IL1RL1: variants seen among roughly 807,000 people sequenced by gnomAD.
The protein encoded by IL1RL1 is interleukin 1 receptor like 1.
IL1RL1 carries 32 observed loss-of-function variants against 50.9 expected under a neutral mutation model. That is an observed-to-expected ratio of 0.63 (90% CI 0.47 to 0.84). The LOEUF is 0.84. Among genes scored for constraint, IL1RL1 ranks in the 40% least tolerant of loss-of-function variants. IL1RL1 has a pLI of 0.00. For synonymous variants in IL1RL1, 275 were observed against 236.0 expected (o/e 1.17, Z -1.51); for missense variants, 773 against 662.9 (o/e 1.17, Z -1.82).
In IL1RL1 at chr2:102,351,775, A is replaced by C. The variant is rs761199455; in HGVS notation, c.1525A>C (p.Thr509Pro). 1.2e-6 allele frequency: 2 copies of C among 1,614,092 alleles called. No individual in the cohort carries two copies. The highest frequency in any genetic ancestry group is 1.1e-5 in the South Asian group (1 of 91,082). Residue 509 changes from threonine to proline, a missense_variant, in exon 11 of 11, where the codon ACC becomes CCC. Coordinates refer to ENST00000233954, the MANE Select transcript of IL1RL1 (RefSeq NM_016232.5). ...CCAGCATCTTATGAAAGTACAGGGG[A>C]CCATCAAGTGGAGGGAGGACCACAT... ...SLQHLMKVQG[T>P]IKWREDHIAN...
intron 1 of IL1RL1, among the ~76,000 whole-genome samples, chr2:102,317,817 A>T (rs1200454021): frequency 6.6e-6 from 1 of 152,116 alleles, no homozygotes; most frequent in Admixed American, 6.5e-5. Flanking sequence ...TTAGTTGGTC[A>T]AAGGGTGGGA....
At chr2:102,321,022 G>A (rs4142132) in intron 1 of IL1RL1, among the ~76,000 whole-genome samples, 72,759 of 152,034 alleles carry the variant, frequency 0.48, 17,694 homozygotes, top group Middle Eastern at 0.64. Context: ...CACTGCTCTG[G>A]AGTTCCTCAT....
At chr2:102,343,546 C>A (rs1247826419) in intron 8 of IL1RL1, 131 bp downstream of exon 8, 15 of 1,570,376 alleles carry the variant, frequency 9.6e-6, no homozygotes, top group Non-Finnish European at 1.2e-5. Flanking sequence ...TTCTCTTCTT[C>A]GGGATGTTGT....
At chr2:102,339,083 G>A (rs780421174) in intron 3 of IL1RL1, 36 bp downstream of exon 3, 1 of 1,481,956 alleles carries the variant, frequency 6.7e-7, no homozygotes, top group Non-Finnish European at 9.4e-7. Flanking sequence ...CTTTCACCCT[G>A]CTCCCCTTTC....
chr2:102,348,000 A>G lies in IL1RL1; in HGVS notation c.1026A>G (p.Leu342=). The G allele has an allele frequency of 5.1e-6, 8 of 1,581,776 alleles. No homozygotes were observed. The highest frequency in any genetic ancestry group is 7.0e-6 in the Non-Finnish European group (8 of 1,150,568). The part of the protein sequence containing the change: ...IIAVCSVFLM[L]INVLVIILKM... Reference sequence around the variant, plus strand: ...CAGTATGTAGTGTATTTTTAATGCTAATCAATGTCCTGGTTATCATCCTAA... The same window carrying G: ...CAGTATGTAGTGTATTTTTAATGCTGATCAATGTCCTGGTTATCATCCTAA... The change falls in exon 9 of 11, where the codon CTA becomes CTG. Residue 342 remains leucine (L), a synonymous_variant. Coordinates refer to ENST00000233954, the MANE Select transcript of IL1RL1 (RefSeq NM_016232.5).
chr2:102,345,788 C>A (rs1402079789), intron 8 of IL1RL1: 1 of 985,400 alleles, frequency 1.0e-6, no homozygotes. Flanking sequence ...AAGTGTGGCA[C>A]CCCAGGAAGG....
chr2:102,317,011 T>G (rs574591435), intron 1 of IL1RL1, among the ~76,000 whole-genome samples: 1 of 152,326 alleles, frequency 6.6e-6, no homozygotes, highest in East Asian at 1.9e-4. Context: ...TCATGTATAC[T>G]CAGCTGCTTA....
At chr2:102,313,991 G>C (rs1278289789) in intron 1 of IL1RL1, among the ~76,000 whole-genome samples, 1 of 152,226 alleles carries the variant, frequency 6.6e-6, no homozygotes, top group Non-Finnish European at 1.5e-5. Flanking sequence ...AGGGCGTCTG[G>C]ATTCTGAATA....
chr2:102,342,951 G>T, intron 6 of IL1RL1, 85 bp from the exon 7 acceptor site: 1 of 1,383,734 alleles, frequency 7.2e-7, no homozygotes, highest in Non-Finnish European at 1.0e-6. Flanking sequence ...TAAGTGTTCA[G>T]TAAGGTTTTT....
At chr2:102,347,027 G>A (rs1269539415) in intron 8 of IL1RL1, among the ~76,000 whole-genome samples, 1 of 152,178 alleles carries the variant, frequency 6.6e-6, no homozygotes, top group Non-Finnish European at 1.5e-5. Context: ...AGAGAAGTAT[G>A]GGCTATGAGT....
chr2:102,325,484 G>A (rs1676971148), intron 1 of IL1RL1, among the ~76,000 whole-genome samples: 1 of 152,182 alleles, frequency 6.6e-6, no homozygotes, highest in Non-Finnish European at 1.5e-5. Context: ...CACCAGCAAT[G>A]GAACAAAGCT....
At chr2:102,336,090 G>T (rs1677316697) in intron 1 of IL1RL1, among the ~76,000 whole-genome samples, 1 of 152,180 alleles carries the variant, frequency 6.6e-6, no homozygotes, top group East Asian at 1.9e-4. Context: ...CAGCCCCCAT[G>T]GGGAGCAAAG....
intron 1 of IL1RL1, among the ~76,000 whole-genome samples, chr2:102,316,855 G>A (rs1170197112): frequency 7.9e-5 from 12 of 152,074 alleles, no homozygotes; most frequent in Admixed American, 7.9e-4. Context: ...AATTGGCAAG[G>A]CTGGCTCTGA....
chr2:102,339,038 T>C lies in IL1RL1; in HGVS notation c.263T>C (p.Ile88Thr). The C allele has an allele frequency of 6.2e-7, 1 of 1,610,360 alleles. No individual in the cohort carries two copies. The highest frequency in any genetic ancestry group is 8.5e-7 in the Non-Finnish European group (1 of 1,177,038). ...AVADSGIYTC[I>T]VRSPTFNRTG... is the part of the protein sequence containing the mutation. Reference sequence around the variant, plus strand: ...GCTGATTCTGGTATTTATACCTGTATTGTCAGAAGGTATTATGCAGAAGGC... The same window carrying C: ...GCTGATTCTGGTATTTATACCTGTACTGTCAGAAGGTATTATGCAGAAGGC... The change falls in exon 3 of 11, where the codon ATT (isoleucine) becomes ACT (threonine). Residue 88 changes from isoleucine to threonine, a missense_variant. Transcript: ENST00000233954.
chr2:102,311,933 T>C (rs1239207911), intron 1 of IL1RL1, among the ~76,000 whole-genome samples: 11 of 27,914 alleles, frequency 3.9e-4, no homozygotes, highest in Admixed American at 5.0e-4. Flanking sequence ...TAATATATAT[T>C]ATATATAATA....
Position 102,345,972 on chromosome 2 carries a change from G to A in IL1RL1, c.971-1973G>A, listed in dbSNP as rs2287038. The A allele has an allele frequency of 2.1e-4, 204 of 985,294 alleles. 3 individuals carry two copies. The East Asian group carries it at 0.018, about 86-fold the overall frequency. The allele number at this position is 985,294 out of a possible 1,614,324, so 61.0% of individuals were successfully genotyped here. A position where few individuals can be genotyped will look rare whatever the true frequency, so the allele number is the denominator to read the frequency against. ...TTACCTATGTGTTTGAATTATCTTC[G>A]TGTTACAGGTGTTTAATGATTTTGC... On this transcript the variant is annotated intron_variant, in intron 8 of 10. Coordinates refer to ENST00000233954, the MANE Select transcript of IL1RL1 (RefSeq NM_016232.5).
chr2:102,351,860 T>C lies in IL1RL1; in HGVS notation c.1610T>C (p.Val537Ala). The change falls in exon 11 of 11, where the codon GTG becomes GCG. Residue 537 changes from valine to alanine, a missense_variant. Val to Ala is a moderately conservative substitution (Grantham distance 64, BLOSUM62 0). Transcript: ENST00000233954. ...AAGCACGTGAGGTACCAAATGCCTG[T>C]GCCAAGCAAAATTCCCAGAAAGGCC... ...FWKHVRYQMP[V>A]PSKIPRKASS... The C allele has an allele frequency of 6.2e-7, 1 of 1,613,920 alleles. No homozygotes were observed. Among genetic ancestry groups the C allele is most frequent in the East Asian group, 2.2e-5 (1 of 44,868 alleles).
intron 1 of IL1RL1, among the ~76,000 whole-genome samples, chr2:102,331,107 T>A (rs1677167022): frequency 6.6e-6 from 1 of 152,232 alleles, no homozygotes; most frequent in South Asian, 2.1e-4. Flanking sequence ...TGTCTGTCTT[T>A]ATGCCCATAC....
At position 102,343,076 on chromosome 2, in the gene IL1RL1, A is replaced by C; in HGVS notation, c.723A>C (p.Lys241Asn). 6.2e-7 allele frequency: 1 copy of C among 1,614,080 alleles called. No individual in the cohort carries two copies. Among genetic ancestry groups the C allele is most frequent in the African/African-American group, 1.3e-5 (1 of 75,032 alleles). The part of the protein sequence containing the change: ...ANLTCSACFG[K>N]GTQFLAAVLW... ...TAACTTGCTCTGCTTGTTTTGGAAA[A>C]GGCACTCAGTTCTTGGCTGCCGTCC... The change falls in exon 7 of 11, where the codon AAA (lysine) becomes AAC (asparagine). Residue 241 changes from lysine to asparagine, a missense_variant. Physicochemically the swap from Lys to Asn is moderately conservative, Grantham distance 94 (BLOSUM62 0). Transcript: ENST00000233954.
Sources: allele counts gnomAD v4.1 joint callset (sites outside exome capture counted in the v4.1 genomes callset), GRCh38; gene constraint gnomAD v4.1.1; transcripts MANE v1.5; gene names NCBI Gene and HGNC (gene_info 2026-07-23, HGNC 2026-07-21).